TMEM108: variants seen among roughly 807,000 people sequenced by gnomAD.
TMEM108 encodes the protein transmembrane protein 108, also known as cancer/testis antigen 124.
In TMEM108, 12 loss-of-function variants were observed where a neutral mutation model predicts 35.1. That is an observed-to-expected ratio of 0.34 (90% confidence interval 0.22 to 0.55). The LOEUF (loss-of-function observed/expected upper bound fraction) is 0.55. TMEM108 is among the 20% of genes least tolerant of loss of function. The pLI is 0.89. For missense variants in TMEM108, 680 were observed against 753.3 expected, an observed-to-expected ratio of 0.90 and a Z score of 1.14; for synonymous variants, 287 against 308.6, an observed-to-expected ratio of 0.93 and a Z score of 0.73.
At chr3:133,195,835 A>G (rs1200551601) in intron 2 of TMEM108, among the ~76,000 whole-genome samples, 2 of 152,258 alleles carry the variant, frequency 1.3e-5, no homozygotes, top group Admixed American at 6.5e-5. Context: ...TTTGAACACA[A>G]ACAGTACATG....
At chr3:133,073,484 T>TTCTCTC (rs371623398) in intron 2 of TMEM108, among the ~76,000 whole-genome samples, 61 of 55,612 alleles carry the variant, frequency 1.1e-3, no homozygotes, top group African/African-American at 4.6e-3. Context: ...TAGTATTCTA[T>TTCTCTC]TCTCTCTCTC....
chr3:133,188,473 C>T (rs6781596), intron 2 of TMEM108, among the ~76,000 whole-genome samples: 37,143 of 149,062 alleles, frequency 0.25, 4,855 homozygotes, highest in Middle Eastern at 0.38. Flanking sequence ...GAAGTGAATA[C>T]GGATAATTTT....
chr3:133,093,120 G>C (rs1320637245), intron 2 of TMEM108, among the ~76,000 whole-genome samples: 1 of 151,788 alleles, frequency 6.6e-6, no homozygotes, highest in East Asian at 1.9e-4. Context: ...CTCTTGAGTA[G>C]CTAGGGCTAC....
intron 2 of TMEM108, among the ~76,000 whole-genome samples, chr3:133,074,158 G>A (rs1383533211): frequency 1.3e-5 from 2 of 152,108 alleles, no homozygotes; most frequent in African/African-American, 4.8e-5. Flanking sequence ...GGCACAGAGA[G>A]TTGAGTGAAT....
At chr3:133,167,167 C>T (rs562145690) in intron 2 of TMEM108, among the ~76,000 whole-genome samples, 22 of 152,316 alleles carry the variant, frequency 1.4e-4, no homozygotes, top group Non-Finnish European at 2.8e-4. Context: ...CTGATTGGTG[C>T]GTTTACAAAC....
intron 4 of TMEM108, chr3:133,388,064 C>A: frequency 1.0e-6 from 1 of 985,458 alleles, no homozygotes; most frequent in Non-Finnish European, 1.2e-6. Context: ...AGGCTGATAA[C>A]TGAAGAGCTG....
intron 3 of TMEM108, among the ~76,000 whole-genome samples, chr3:133,286,802 G>A (rs184540827): frequency 6.0e-4 from 92 of 152,302 alleles, no homozygotes; most frequent in Non-Finnish European, 1.1e-3. Flanking sequence ...TATATCCACT[G>A]AACACTGACA....
chr3:133,389,153 G>A (rs2107857754), intron 4 of TMEM108: 1 of 985,766 alleles, frequency 1.0e-6, no homozygotes, highest in East Asian at 1.1e-4. Context: ...AATCTGGACA[G>A]GCCACCCCAC....
chr3:133,092,977 A>G lies in TMEM108; in HGVS notation c.-47+46957A>G, dbSNP rs1215117682. On this transcript the variant is annotated intron_variant, in intron 2 of 5. Transcript: ENST00000321871. ...GGAAAACACAAATCCCATATTTTAT[A>G]TATGTAGGTAAAGTTTTTTTTTTTT... Among the ~76,000 whole-genome samples, 9 of 150,292 alleles carry G rather than the reference A, an allele frequency of 6.0e-5. No individual in the cohort carries two copies. In the East Asian group the frequency reaches 9.8e-4, roughly 16 times the overall value.
At chr3:133,044,954 AGTG>A (rs1943317521) in intron 1 of TMEM108, among the ~76,000 whole-genome samples, 1 of 146,960 alleles carries the variant, frequency 6.8e-6, no homozygotes, top group African/African-American at 2.5e-5. Flanking sequence ...AAAATTCTGA[AGTG>A]CTGCTTTTTT....
chr3:133,178,028 CAGAG>C (rs557057824), intron 2 of TMEM108, among the ~76,000 whole-genome samples: 3 of 152,114 alleles, frequency 2.0e-5, no homozygotes, highest in African/African-American at 7.2e-5. Flanking sequence ...AACAGACAAA[CAGAG>C]AGCCAAATCA....
At chr3:133,089,793 G>A (rs1343943171) in intron 2 of TMEM108, among the ~76,000 whole-genome samples, 2 of 152,190 alleles carry the variant, frequency 1.3e-5, no homozygotes, top group Non-Finnish European at 2.9e-5. Context: ...AAACTGACCT[G>A]CTGAAGGCAG....
intron 2 of TMEM108, among the ~76,000 whole-genome samples, chr3:133,218,935 TG>T (rs2107848817): frequency 6.6e-6 from 1 of 152,216 alleles, no homozygotes; most frequent in Admixed American, 6.5e-5. Flanking sequence ...AAGTTTTTTT[TG>T]GAAGAGTTTG....
chr3:133,083,332 G>A (rs1263869029), intron 2 of TMEM108, among the ~76,000 whole-genome samples: 3 of 152,138 alleles, frequency 2.0e-5, no homozygotes, highest in Non-Finnish European at 4.4e-5. Context: ...CATACTGAGT[G>A]CTCAGTCAAT....
rs562636871 is a variant in TMEM108 at position 133,203,934 on chromosome 3, T to C, written c.-46-25332T>C. Among the ~76,000 whole-genome samples, 23 of 152,312 alleles carry C rather than the reference T, an allele frequency of 1.5e-4. 1 individual carries two copies. In the South Asian group the frequency reaches 4.6e-3, roughly 30 times the overall value. ...TGACTCCATCTGGTCATTGGCTTTT[T>C]TGGTTGGTAGGCTATTAATTACTAC... is the stretch of plus-strand genomic sequence containing the variant. On this transcript the variant is annotated intron_variant, in intron 2 of 5. Transcript: ENST00000321871.
chr3:133,345,605 A>T (rs2071792524), intron 3 of TMEM108, among the ~76,000 whole-genome samples: 1 of 151,962 alleles, frequency 6.6e-6, no homozygotes, highest in African/African-American at 2.4e-5. Context: ...CCAGATTATT[A>T]TTCAAAGGAA....
intron 2 of TMEM108, among the ~76,000 whole-genome samples, chr3:133,174,087 C>T (rs1945172578): frequency 6.6e-6 from 1 of 152,244 alleles, no homozygotes; most frequent in Admixed American, 6.5e-5. Context: ...ATTGCTAGCA[C>T]AGCAGTCTGA....
chr3:133,320,327 A>AG (rs1041290523), intron 3 of TMEM108, among the ~76,000 whole-genome samples: 4 of 151,308 alleles, frequency 2.6e-5, no homozygotes, highest in African/African-American at 7.3e-5. Context: ...GCTATCATAA[A>AG]GAAAAAAAAA....
chr3:133,148,466 A>AT (rs1411085809), intron 2 of TMEM108, among the ~76,000 whole-genome samples: 1 of 151,974 alleles, frequency 6.6e-6, no homozygotes, highest in Non-Finnish European at 1.5e-5. Context: ...TTAATTAATA[A>AT]TAAAAAAAAA....
Sources: allele counts gnomAD v4.1 joint callset (sites outside exome capture counted in the v4.1 genomes callset), GRCh38; gene constraint gnomAD v4.1.1; transcripts MANE v1.5; gene names NCBI Gene and HGNC (gene_info 2026-07-23, HGNC 2026-07-21).